Variants in LRP1B observed in about 807,000 individuals in gnomAD.
LRP1B encodes low-density lipoprotein receptor-related protein 1B.
In LRP1B, 217 loss-of-function variants were observed where a neutral mutation model predicts 556.6. The ratio of observed to expected loss-of-function variants is 0.39; its 90% confidence interval spans 0.35 to 0.44. The LOEUF is 0.44. Ranked by LOEUF, LRP1B falls within the 20% of genes least tolerant of loss-of-function variation. The pLI is 1.00. For missense variants in LRP1B, 5,053 were observed against 5,620.8 expected (o/e 0.90, Z 3.23); for synonymous variants, 2,047 against 1,865.8 (o/e 1.10, Z -2.50).
At chr2:142,024,741 C>T (rs1414124490) in intron 1 of LRP1B, among the ~76,000 whole-genome samples, 18 of 150,380 alleles carry the variant, frequency 1.2e-4, no homozygotes, top group Non-Finnish European at 2.7e-4. Flanking sequence ...TAGGCTTTTA[C>T]AGCTGCTCTA....
chr2:140,806,975 A>G (rs62173607), intron 32 of LRP1B, among the ~76,000 whole-genome samples: 70,092 of 152,128 alleles, frequency 0.46, 17,401 homozygotes, highest in East Asian at 0.58. Context: ...CTCAAACTGC[A>G]TATGCAGAAG....
chr2:141,100,298 A>G (rs1700427447), intron 7 of LRP1B, among the ~76,000 whole-genome samples: 1 of 152,228 alleles, frequency 6.6e-6, no homozygotes, highest in Non-Finnish European at 1.5e-5. Context: ...AGAATGTTGA[A>G]TGGAGCTTTT....
chr2:140,864,280 G>A (rs756802594), intron 27 of LRP1B, among the ~76,000 whole-genome samples: 4 of 151,872 alleles, frequency 2.6e-5, no homozygotes, highest in Admixed American at 6.6e-5. Context: ...TAATCTAGGC[G>A]AGTAGGTAAG....
chr2:141,291,872 A>AC (rs1418114356), intron 3 of LRP1B, among the ~76,000 whole-genome samples: 3 of 88,704 alleles, frequency 3.4e-5, no homozygotes, highest in African/African-American at 9.1e-5. Context: ...AAAAAAAAAA[A>AC]AAAAAAAAAA....
At position 141,258,016 on chromosome 2, in the gene LRP1B, T is replaced by C. The variant is rs1684545053; in HGVS notation, c.344-3375A>G. Among the ~76,000 whole-genome samples, 5 of 152,200 alleles carry C rather than the reference T, an allele frequency of 3.3e-5. No homozygotes were observed. In the South Asian group the frequency reaches 1.0e-3, roughly 32 times the overall value. Reference sequence around the variant, plus strand: ...ATTAGTCTTCACCCAGTGACTTTCGTCAAGCATAGCCATTGGCTTATGTAA... The same window carrying C: ...ATTAGTCTTCACCCAGTGACTTTCGCCAAGCATAGCCATTGGCTTATGTAA... On this transcript the variant is annotated intron_variant, in intron 3 of 90. Coordinates refer to ENST00000389484, the MANE Select transcript of LRP1B (RefSeq NM_018557.3).
At chr2:140,466,124 C>CTTTTTTTTTTTT (rs74381027) in intron 60 of LRP1B, among the ~76,000 whole-genome samples, 2 of 125,716 alleles carry the variant, frequency 1.6e-5, no homozygotes, top group Non-Finnish European at 1.7e-5. Context: ...TTTCTTTTTT[C>CTTTTTTTTTTTT]TTTTTTTTTT....
At chr2:140,940,975 A>T (rs1400696950) in intron 20 of LRP1B, among the ~76,000 whole-genome samples, 1 of 152,072 alleles carries the variant, frequency 6.6e-6, no homozygotes, top group Admixed American at 6.6e-5. Flanking sequence ...CTGGCGTGAG[A>T]TGGTATCTCA....
At chr2:140,868,353 C>T (rs916067655) in intron 25 of LRP1B, 90 bp from the exon 26 acceptor site, 36 of 1,213,142 alleles carry the variant, frequency 3.0e-5, no homozygotes, top group Non-Finnish European at 3.8e-5. Flanking sequence ...ATGCTAGGCA[C>T]TGGATAGGTG....
intron 2 of LRP1B, among the ~76,000 whole-genome samples, chr2:141,743,855 T>C (rs1693811971): frequency 6.6e-6 from 1 of 152,046 alleles, no homozygotes; most frequent in Admixed American, 6.6e-5. Flanking sequence ...TAATGCCTCT[T>C]TTTTCATCTT....
intron 18 of LRP1B, among the ~76,000 whole-genome samples, chr2:140,976,483 G>T (rs1402057471): frequency 2.1e-5 from 3 of 141,574 alleles, no homozygotes; most frequent in African/African-American, 5.2e-5. Context: ...CTACTCCATT[G>T]AACTATCTTT....
chr2:140,735,214 A>G (rs1687906925), intron 35 of LRP1B, among the ~76,000 whole-genome samples: 1 of 152,194 alleles, frequency 6.6e-6, no homozygotes, highest in Admixed American at 6.6e-5. Context: ...GTGACGTGGA[A>G]GTTGCTAAGG....
At chr2:141,500,386 C>G (rs568953937) in intron 2 of LRP1B, among the ~76,000 whole-genome samples, 2 of 152,188 alleles carry the variant, frequency 1.3e-5, no homozygotes, top group African/African-American at 2.4e-5. Context: ...GAAAATAAAC[C>G]TTTCTCCTGT....
intron 1 of LRP1B, among the ~76,000 whole-genome samples, chr2:141,882,156 TGA>T (rs1698978745): frequency 1.3e-5 from 2 of 152,072 alleles, no homozygotes; most frequent in Admixed American, 1.3e-4. Flanking sequence ...AACTTCTGCA[TGA>T]GAATATGTTT....
intron 2 of LRP1B, among the ~76,000 whole-genome samples, chr2:141,541,820 T>C (rs1311172906): frequency 1.3e-5 from 2 of 152,068 alleles, no homozygotes; most frequent in Non-Finnish European, 2.9e-5. Context: ...TATTCTCCAT[T>C]ATTATTTTTT....
intron 7 of LRP1B, among the ~76,000 whole-genome samples, chr2:141,147,400 T>C (rs181010997): frequency 7.2e-5 from 11 of 152,350 alleles, no homozygotes; most frequent in East Asian, 5.8e-4. Context: ...TTGTCCTTTA[T>C]AGTCCAACAA....
intron 1 of LRP1B, among the ~76,000 whole-genome samples, chr2:141,886,892 G>A (rs1014999920): frequency 5.3e-5 from 8 of 151,568 alleles, no homozygotes; most frequent in Non-Finnish European, 7.4e-5. Context: ...GGTTGATATC[G>A]CTGATTCACT....
At chr2:140,723,438 A>T (rs1687484700) in intron 35 of LRP1B, among the ~76,000 whole-genome samples, 1 of 152,200 alleles carries the variant, frequency 6.6e-6, no homozygotes, top group South Asian at 2.1e-4. Context: ...TTTGAGAATT[A>T]TTGACTATTG....
At chr2:141,749,999 G>C (rs958771035) in intron 2 of LRP1B, among the ~76,000 whole-genome samples, 3 of 152,136 alleles carry the variant, frequency 2.0e-5, no homozygotes, top group African/African-American at 7.2e-5. Flanking sequence ...AGGAAGCTAA[G>C]CATTGGCAAA....
chr2:141,662,830 A>C (rs1248117154), intron 2 of LRP1B, among the ~76,000 whole-genome samples: 1 of 152,168 alleles, frequency 6.6e-6, no homozygotes, highest in South Asian at 2.1e-4. Flanking sequence ...AAGTGGACCT[A>C]ATAGATATAT....
Sources: allele counts gnomAD v4.1 joint callset (sites outside exome capture counted in the v4.1 genomes callset), GRCh38; gene constraint gnomAD v4.1.1; transcripts MANE v1.5; gene names NCBI Gene and HGNC (gene_info 2026-07-23, HGNC 2026-07-21).